Variants in NEMP2 observed in about 807,000 individuals in gnomAD.
NEMP2 encodes the protein nuclear envelope integral membrane protein 2, also known as UPF0571 transmembrane protein.
A neutral mutation model predicts 54.2 loss-of-function variants in NEMP2; 53 were observed. The observed-to-expected ratio is 0.98, with a 90% CI of 0.78 to 1.23. The LOEUF (loss-of-function observed/expected upper bound fraction) is 1.23, where lower values mean the gene tolerates loss of function less well. Ranked by LOEUF, NEMP2 falls within the 50% of genes most tolerant of loss-of-function variation. The pLI, the probability that NEMP2 is intolerant of heterozygous loss-of-function variation, is 0.00. For missense variants in NEMP2, 455 were observed against 511.3 expected, an observed-to-expected ratio of 0.89 and a Z score of 1.06; for synonymous variants, 197 against 190.3, an observed-to-expected ratio of 1.04 and a Z score of -0.29.
At chr2:190,616,027 C>G in the NEMP2 span, among the ~76,000 whole-genome samples, 5 of 152,184 alleles carry the variant, frequency 3.3e-5, no homozygotes, top group Non-Finnish European at 5.9e-5. The surrounding 1 kb of genome is among the most constrained non-coding windows in gnomAD (Gnocchi z 5.1). Flanking sequence ...CTCTTCCTCA[C>G]CTACAACTTT....
At chr2:190,623,133 A>C in the NEMP2 span, among the ~76,000 whole-genome samples, 3 of 152,206 alleles carry the variant, frequency 2.0e-5, no homozygotes, top group Non-Finnish European at 4.4e-5. Flanking sequence ...AGATTTATGC[A>C]ATGAAAATTA....
the NEMP2 span, among the ~76,000 whole-genome samples, chr2:190,448,271 G>A: frequency 2.6e-5 from 4 of 152,350 alleles, no homozygotes; most frequent in African/African-American, 7.2e-5. Flanking sequence ...CCTCAAGCTA[G>A]ATACTCCCTA....
rs773344300 is a variant in NEMP2, at chr2:190,525,874, C to T, written c.98-496G>A. Among the ~76,000 whole-genome samples, 3 of 152,154 alleles carry T rather than the reference C, an allele frequency of 2.0e-5. No homozygotes were observed. The highest frequency in any genetic ancestry group is 2.9e-5 in the Non-Finnish European group (2 of 68,018). ...TGGAAGGTATAGGGATACAAGAAGA[C>T]ATTTGAACACCTGTAGCTGGAGTGG... is the stretch of plus-strand genomic sequence containing the variant. On this transcript the variant is annotated intron_variant, in intron 1 of 8. Transcript: ENST00000409150. The surrounding 1 kb of genome is among the most constrained non-coding windows in gnomAD (Gnocchi z 5.0).
At chr2:190,439,560 T>C in the NEMP2 span, among the ~76,000 whole-genome samples, 2 of 152,186 alleles carry the variant, frequency 1.3e-5, no homozygotes, top group African/African-American at 2.4e-5. The surrounding 1 kb of genome is among the most constrained non-coding windows in gnomAD (Gnocchi z 5.8). Context: ...AAAATCCTAG[T>C]GGGTTTACTA....
chr2:190,526,724 A>T (rs1241176096), intron 1 of NEMP2, among the ~76,000 whole-genome samples: 1 of 152,192 alleles, frequency 6.6e-6, no homozygotes, highest in African/African-American at 2.4e-5. Context: ...GCAAGTTTGT[A>T]CAGGGAAGTG....
downstream of NEMP2, chr2:190,502,159 A>G (rs1408253448): frequency 6.6e-6 from 1 of 152,300 alleles, no homozygotes; most frequent in Non-Finnish European, 1.5e-5. The surrounding 1 kb of genome is among the most constrained non-coding windows in gnomAD (Gnocchi z 4.4). Flanking sequence ...TGCCTTTGTT[A>G]TGGAACATTT....
At chr2:190,503,836 G>C (rs1430059866), downstream of NEMP2, among the ~76,000 whole-genome samples, 1 of 152,200 alleles carries the variant, frequency 6.6e-6, no homozygotes, top group African/African-American at 2.4e-5. This position sits in a 1 kb window ranked among gnomAD's most constrained non-coding sequence, Gnocchi z 6.3. Flanking sequence ...TCAGATCTCA[G>C]AAAGTAATTT....
chr2:190,583,139 G>C, the NEMP2 span, among the ~76,000 whole-genome samples: 35,297 of 152,038 alleles, frequency 0.23, 5,231 homozygotes, highest in Non-Finnish European at 0.33. Context: ...TTACCTAAGA[G>C]GAGCTTGAAC....
At chr2:190,604,182 A>G in the NEMP2 span, among the ~76,000 whole-genome samples, 1 of 152,192 alleles carries the variant, frequency 6.6e-6, no homozygotes, top group Admixed American at 6.5e-5. The surrounding 1 kb of genome is among the most constrained non-coding windows in gnomAD (Gnocchi z 4.5). Context: ...TCTTTCTTGG[A>G]GAGTGAGTGG....
the NEMP2 span, among the ~76,000 whole-genome samples, chr2:190,487,179 A>G: frequency 1.3e-5 from 2 of 152,084 alleles, no homozygotes; most frequent in East Asian, 3.9e-4. This position sits in a 1 kb window ranked among gnomAD's most constrained non-coding sequence, Gnocchi z 5.5. Context: ...TGTCTCTACT[A>G]AAAATACAAA....
the NEMP2 span, chr2:190,624,882 G>A: frequency 1.3e-5 from 2 of 152,206 alleles, no homozygotes; most frequent in East Asian, 1.9e-4. Flanking sequence ...AGTTATTAGG[G>A]TAATGCAAAC....
At chr2:190,574,728 CCTTT>C in the NEMP2 span, among the ~76,000 whole-genome samples, 2 of 149,508 alleles carry the variant, frequency 1.3e-5, no homozygotes, top group African/African-American at 5.0e-5. Flanking sequence ...TTCTTTCTTT[CCTTT>C]CTTTCTCTTC....
the NEMP2 span, chr2:190,620,189 A>G: frequency 5.3e-4 from 81 of 152,212 alleles, no homozygotes; most frequent in African/African-American, 1.8e-3. This position sits in a 1 kb window ranked among gnomAD's most constrained non-coding sequence, Gnocchi z 4.9. Context: ...TGACACCTTT[A>G]CTGACTTCCT....
chr2:190,441,581 TG>T, the NEMP2 span, among the ~76,000 whole-genome samples: 1 of 152,148 alleles, frequency 6.6e-6, no homozygotes, highest in African/African-American at 2.4e-5. Context: ...GTCCTCTCTC[TG>T]GCCTCTTGTA....
At chr2:190,594,033 C>T in the NEMP2 span, among the ~76,000 whole-genome samples, 5 of 152,202 alleles carry the variant, frequency 3.3e-5, no homozygotes, top group Admixed American at 1.3e-4. This position sits in a 1 kb window ranked among gnomAD's most constrained non-coding sequence, Gnocchi z 5.6. Flanking sequence ...AACTCATTGC[C>T]GTGGCCTGAA....
At chr2:190,590,372 G>A in the NEMP2 span, among the ~76,000 whole-genome samples, 1 of 152,178 alleles carries the variant, frequency 6.6e-6, no homozygotes, top group Admixed American at 6.5e-5. This position sits in a 1 kb window ranked among gnomAD's most constrained non-coding sequence, Gnocchi z 5.1. Flanking sequence ...ATGATCTGAA[G>A]TCTGACACTA....
the NEMP2 span, among the ~76,000 whole-genome samples, chr2:190,551,117 C>G: frequency 1.4e-5 from 2 of 145,954 alleles, no homozygotes; most frequent in Non-Finnish European, 3.0e-5. Context: ...ATCCATCTTA[C>G]TAGAAATACA....
At chr2:190,496,807 AG>A in the NEMP2 span, among the ~76,000 whole-genome samples, 1 of 152,234 alleles carries the variant, frequency 6.6e-6, no homozygotes, top group Non-Finnish European at 1.5e-5. This position sits in a 1 kb window ranked among gnomAD's most constrained non-coding sequence, Gnocchi z 4.7. Flanking sequence ...AAGCAACTCA[AG>A]AATGGAAAAC....
chr2:190,597,787 T>TA, the NEMP2 span, among the ~76,000 whole-genome samples: 122 of 145,794 alleles, frequency 8.4e-4, 1 homozygote, highest in East Asian at 7.8e-3. The surrounding 1 kb of genome is among the most constrained non-coding windows in gnomAD (Gnocchi z 4.7). Context: ...AGCAAAGAAT[T>TA]AAAAAAAAAA....
Sources: gnomAD v4.1 joint callset for allele counts (sites outside exome capture counted in the v4.1 genomes callset) on GRCh38, gnomAD v4.1.1 for gene constraint, Gnocchi (gnomAD v3.1) non-coding constraint, MANE v1.5 for transcripts, NCBI Gene and HGNC (gene_info 2026-07-23, HGNC 2026-07-21) for gene names.